Variants in GLG1 observed in about 807,000 individuals in gnomAD.
The protein encoded by GLG1 is Golgi apparatus protein 1.
In GLG1, 38 loss-of-function variants were observed where a neutral mutation model predicts 160.5. That is an observed-to-expected ratio of 0.24 (90% confidence interval 0.18 to 0.31). The LOEUF is 0.31. Among genes scored for constraint, GLG1 ranks in the 10% least tolerant of loss-of-function variants. GLG1 has a pLI of 1.00. For missense variants in GLG1, 1,373 were observed against 1,505.2 expected (o/e 0.91, Z 1.45); for synonymous variants, 644 against 543.4 (o/e 1.19, Z -2.57).
chr16:74,520,861 T>G (rs1182879599), intron 2 of GLG1, among the ~76,000 whole-genome samples: 2 of 152,172 alleles, frequency 1.3e-5, no homozygotes, highest in Non-Finnish European at 2.9e-5. Context: ...TTAAGGTATT[T>G]TGTTTATTCT....
intron 1 of GLG1, among the ~76,000 whole-genome samples, chr16:74,550,710 G>GGA (rs1196755303): frequency 3.3e-5 from 5 of 151,986 alleles, no homozygotes; most frequent in South Asian, 2.1e-4. Context: ...GTCAAGAGGG[G>GGA]GACAAGCTTG....
At chr16:74,561,856 G>A (rs896511809) in intron 1 of GLG1, among the ~76,000 whole-genome samples, 1 of 152,206 alleles carries the variant, frequency 6.6e-6, no homozygotes, top group South Asian at 2.1e-4. Context: ...CATCATGGAA[G>A]ACAGAAAATG....
intron 9 of GLG1, among the ~76,000 whole-genome samples, chr16:74,483,613 T>G (rs1230232736): frequency 2.0e-5 from 3 of 152,188 alleles, no homozygotes; most frequent in Admixed American, 1.3e-4. Flanking sequence ...AAAGCTTTAC[T>G]ATCATGTAAT....
intron 9 of GLG1, 73 bp from the exon 10 acceptor site, chr16:74,483,197 G>C: frequency 1.1e-6 from 1 of 881,420 alleles, no homozygotes; most frequent in Non-Finnish European, 1.9e-6. Flanking sequence ...GTATTTCCCT[G>C]GTCTGTAGAA....
chr16:74,542,271 C>T (rs1280647380), intron 1 of GLG1, among the ~76,000 whole-genome samples: 6 of 148,312 alleles, frequency 4.0e-5, no homozygotes, highest in Non-Finnish European at 3.0e-5. Flanking sequence ...TTTGATATGG[C>T]ATCCTTTTAT....
intron 2 of GLG1, among the ~76,000 whole-genome samples, chr16:74,527,530 G>A (rs192005935): frequency 6.6e-6 from 1 of 152,010 alleles, no homozygotes; most frequent in African/African-American, 2.4e-5. Context: ...GATTACAGGC[G>A]TGAGCCACCA....
intron 4 of GLG1, among the ~76,000 whole-genome samples, chr16:74,502,435 A>T (rs571141154): frequency 6.6e-6 from 1 of 152,308 alleles, no homozygotes; most frequent in South Asian, 2.1e-4. Context: ...GATTAATAAT[A>T]TATCACATTT....
Position 74,578,987 on chromosome 16 carries a change from C to T in GLG1, c.438+27670G>A, listed in dbSNP as rs571860292. On this transcript the variant is annotated intron_variant, in intron 1 of 25. Coordinates refer to ENST00000422840, the MANE Select transcript of GLG1 (RefSeq NM_001145667.2). The stretch of plus-strand genomic sequence containing the variant: ...TATTAAGAGCCAGCTCTTATTGATC[C>T]ATATGAATGGGTTGGAATCCTGAAC... Among the ~76,000 whole-genome samples the T allele has an allele frequency of 2.0e-5, 3 of 152,250 alleles. No individual in the cohort carries two copies. The South Asian group carries it at 6.2e-4, about 32-fold the overall frequency.
intron 11 of GLG1, among the ~76,000 whole-genome samples, chr16:74,479,827 G>T (rs1209614212): frequency 6.6e-6 from 1 of 152,180 alleles, no homozygotes; most frequent in African/African-American, 2.4e-5. Context: ...GGAGGTTTCT[G>T]CTCCAACCAG....
At chr16:74,469,826 C>T in intron 16 of GLG1, 159 bp downstream of exon 16, 2 of 624,222 alleles carry the variant, frequency 3.2e-6, no homozygotes, top group South Asian at 3.7e-5. Context: ...TCTGTCCAGA[C>T]AGTCCGAGTG....
chr16:74,451,254 A>C lies in GLG1; in HGVS notation c.*1913T>G, dbSNP rs2014288963. On this transcript the variant is annotated 3_prime_UTR_variant, in exon 26 of 26. Transcript: ENST00000422840. ...CAGTTTTAGGAGACTGAAGCATCCC[A>C]GACAGCTGTTGACAATCAGGAAGAC... The C allele has an allele frequency of 6.6e-6, 1 of 152,196 alleles. No homozygotes were observed. The highest frequency in any genetic ancestry group is 6.5e-5 in the Admixed American group (1 of 15,270). 9.4% of individuals were successfully genotyped at this position (152,196 alleles called of 1,614,324 possible).
chr16:74,473,761 T>C (rs1225821418), intron 13 of GLG1, among the ~76,000 whole-genome samples: 1 of 152,024 alleles, frequency 6.6e-6, no homozygotes, highest in African/African-American at 2.4e-5. Context: ...TTTAAAATAT[T>C]TTAGTGGGTT....
chr16:74,533,660 A>G (rs184870719), intron 1 of GLG1, among the ~76,000 whole-genome samples: 4,446 of 152,250 alleles, frequency 0.029, 135 homozygotes, highest in African/African-American at 0.08. Context: ...ACGCGCCTAT[A>G]GTCCCACCTA....
intron 1 of GLG1, among the ~76,000 whole-genome samples, chr16:74,553,447 T>C (rs142990716): frequency 6.6e-6 from 1 of 150,732 alleles, no homozygotes; most frequent in Non-Finnish European, 1.5e-5. Context: ...TTCTGGAACA[T>C]TCTTTTTTTG....
intron 2 of GLG1, among the ~76,000 whole-genome samples, chr16:74,513,160 G>C (rs945599100): frequency 2.6e-5 from 4 of 152,104 alleles, no homozygotes; most frequent in Non-Finnish European, 5.9e-5. Flanking sequence ...TTTGACCAAA[G>C]AACTCAAAAG....
chr16:74,486,499 G>C (rs1289557909), intron 8 of GLG1, among the ~76,000 whole-genome samples: 2 of 152,268 alleles, frequency 1.3e-5, no homozygotes, highest in African/African-American at 4.8e-5. Context: ...TAACCAAGAG[G>C]TAAACCAGAG....
At chr16:74,514,548 T>A (rs1393986676) in intron 2 of GLG1, among the ~76,000 whole-genome samples, 2 of 152,152 alleles carry the variant, frequency 1.3e-5, no homozygotes, top group Admixed American at 1.3e-4. Flanking sequence ...CTAAGCTTCA[T>A]AAGTGAAGGA....
chr16:74,514,837 C>G (rs1175765306), intron 2 of GLG1, among the ~76,000 whole-genome samples: 1 of 152,102 alleles, frequency 6.6e-6, no homozygotes, highest in Non-Finnish European at 1.5e-5. Flanking sequence ...TTAAAAGACA[C>G]AAACTGGCAA....
At chr16:74,528,761 G>T (rs541529248) in intron 2 of GLG1, among the ~76,000 whole-genome samples, 1 of 124,756 alleles carries the variant, frequency 8.0e-6, no homozygotes, top group South Asian at 2.6e-4. Flanking sequence ...TCAGTGAGCC[G>T]AGATCACACC....
Sources: allele counts gnomAD v4.1 joint callset (sites outside exome capture counted in the v4.1 genomes callset), GRCh38; gene constraint gnomAD v4.1.1; transcripts MANE v1.5; gene names NCBI Gene and HGNC (gene_info 2026-07-23, HGNC 2026-07-21).